The following TBC1D2B variants were observed in gnomAD, a reference collection of about 807,000 sequenced individuals.
TBC1D2B encodes the protein TBC1 domain family, member 2B.
TBC1D2B carries 64 observed loss-of-function variants against 100.8 expected under a neutral mutation model. The observed-to-expected ratio is 0.64, with a 90% confidence interval of 0.52 to 0.78. TBC1D2B has a LOEUF of 0.78. Ranked by LOEUF, TBC1D2B falls within the 30% of genes least tolerant of loss-of-function variation. The probability of loss-of-function intolerance (pLI) is 0.00; values close to 1 mark genes in which losing one functional copy is unlikely to be tolerated. For missense variants in TBC1D2B, 1,052 were observed against 1,218.4 expected, an observed-to-expected ratio of 0.86 and a Z score of 2.03; for synonymous variants, 480 against 479.7, an observed-to-expected ratio of 1.00 and a Z score of -0.01.
intron 1 of TBC1D2B, among the ~76,000 whole-genome samples, chr15:78,075,496 GA>G (rs899491950): frequency 2.6e-5 from 4 of 152,064 alleles, no homozygotes; most frequent in African/African-American, 9.7e-5. Context: ...TTATTTTAAT[GA>G]AAAAAACTGA....
chr15:78,019,909 G>A (rs1292297937), intron 6 of TBC1D2B, among the ~76,000 whole-genome samples: 1 of 151,624 alleles, frequency 6.6e-6, no homozygotes, highest in African/African-American at 2.4e-5. Flanking sequence ...AAAGGGGGGG[G>A]GAGACAGGGT....
intron 9 of TBC1D2B, among the ~76,000 whole-genome samples, chr15:78,010,078 G>A (rs1297309611): frequency 8.6e-5 from 13 of 151,830 alleles, no homozygotes; most frequent in Admixed American, 6.6e-5. Context: ...AGATGTGAAT[G>A]TAAGTAACAA....
intron 2 of TBC1D2B, among the ~76,000 whole-genome samples, chr15:78,051,634 T>G (rs2073315799): frequency 6.6e-6 from 1 of 152,252 alleles, no homozygotes. Flanking sequence ...TCCAAACAAC[T>G]GGGTGACTAC....
At chr15:78,025,555 G>A (rs2072642690) in intron 4 of TBC1D2B, 58 bp from the exon 5 acceptor site, 1 of 1,306,794 alleles carries the variant, frequency 7.7e-7, no homozygotes. Flanking sequence ...GAGACGGAGT[G>A]TCGGTCTGTC....
chr15:78,049,831 C>T (rs1567029731), intron 2 of TBC1D2B, among the ~76,000 whole-genome samples: 1 of 152,078 alleles, frequency 6.6e-6, no homozygotes, highest in Non-Finnish European at 1.5e-5. Flanking sequence ...CATTCTTTCA[C>T]AACCTGACTT....
chr15:78,053,365 G>A (rs955805575), intron 2 of TBC1D2B, among the ~76,000 whole-genome samples: 1 of 150,882 alleles, frequency 6.6e-6, no homozygotes, highest in Non-Finnish European at 1.5e-5. Context: ...TCAGGAGGCT[G>A]TTTTGTTTGT....
intron 12 of TBC1D2B, among the ~76,000 whole-genome samples, chr15:78,000,329 G>A (rs190524105): frequency 3.9e-5 from 6 of 152,324 alleles, no homozygotes; most frequent in East Asian, 1.9e-4. Context: ...ACTCACCTCC[G>A]CTCCTCCTGG....
At chr15:78,044,850 A>C (rs1420082913) in intron 3 of TBC1D2B, 50 bp downstream of exon 3, 2 of 1,465,546 alleles carry the variant, frequency 1.4e-6, no homozygotes, top group Non-Finnish European at 1.9e-6. Context: ...AACATACATT[A>C]TCAGAAACAA....
At chr15:78,031,666 T>A (rs1220616241) in intron 3 of TBC1D2B, among the ~76,000 whole-genome samples, 1 of 150,588 alleles carries the variant, frequency 6.6e-6, no homozygotes, top group African/African-American at 2.4e-5. Context: ...GCTATCTGAG[T>A]AATCAATATA....
intron 6 of TBC1D2B, among the ~76,000 whole-genome samples, chr15:78,021,357 T>G (rs2072511282): frequency 1.3e-5 from 2 of 152,120 alleles, no homozygotes; most frequent in Admixed American, 6.5e-5. Flanking sequence ...CTTAGACATT[T>G]AAATTTGGAA....
chr15:78,063,899 T>C lies in TBC1D2B; in HGVS notation c.361-9712A>G, dbSNP rs550131494. Among the ~76,000 whole-genome samples the C allele has an allele frequency of 2.0e-5, 3 of 151,602 alleles. No individual in the cohort carries two copies. The South Asian group carries it at 6.3e-4, about 32-fold the overall frequency. ...TCATCTACCCCTGGGCCTCTGGGTC[T>C]CCAGATTCATCTACCCCTGGGCCTC... is the stretch of plus-strand genomic sequence containing the variant. On this transcript the variant is annotated intron_variant, in intron 1 of 12. Coordinates refer to ENST00000300584, the MANE Select transcript of TBC1D2B (RefSeq NM_144572.2).
chr15:78,056,686 C>CTTTTTTT (rs368714497), intron 1 of TBC1D2B, among the ~76,000 whole-genome samples: 26 of 112,916 alleles, frequency 2.3e-4, no homozygotes, highest in African/African-American at 9.9e-4. Context: ...CAGTCCTCCT[C>CTTTTTTT]TTTTTTTTTT....
intron 12 of TBC1D2B, chr15:77,999,504 C>T (rs1418564869): frequency 1.1e-5 from 3 of 261,594 alleles, no homozygotes; most frequent in Non-Finnish European, 2.4e-5. Context: ...GAACAGAGAA[C>T]GCCCAAGCAC....
intron 10 of TBC1D2B, among the ~76,000 whole-genome samples, chr15:78,008,035 C>A (rs564159424): frequency 6.6e-6 from 1 of 152,372 alleles, no homozygotes; most frequent in East Asian, 1.9e-4. Context: ...GGAGAAGAGA[C>A]ACGAGACAGG....
chr15:78,025,554 T>C, intron 4 of TBC1D2B, 57 bp from the exon 5 acceptor site: 3 of 1,309,240 alleles, frequency 2.3e-6, no homozygotes, highest in South Asian at 1.6e-5. Flanking sequence ...TGAGACGGAG[T>C]GTCGGTCTGT....
intron 2 of TBC1D2B, among the ~76,000 whole-genome samples, chr15:78,050,449 G>C (rs2073290363): frequency 6.6e-6 from 1 of 152,160 alleles, no homozygotes; most frequent in African/African-American, 2.4e-5. Context: ...TCCCTGGCTT[G>C]TTTTCTTATT....
chr15:78,039,446 C>T (rs1192089003), intron 3 of TBC1D2B, among the ~76,000 whole-genome samples: 2 of 152,110 alleles, frequency 1.3e-5, no homozygotes, highest in Non-Finnish European at 2.9e-5. Context: ...AGGATCAGAG[C>T]GGGGCCAACT....
At chr15:78,073,509 C>T (rs184607426) in intron 1 of TBC1D2B, among the ~76,000 whole-genome samples, 3 of 152,246 alleles carry the variant, frequency 2.0e-5, no homozygotes, top group African/African-American at 7.2e-5. Flanking sequence ...ATCAGGGTCT[C>T]CTCTATGGCT....
At chr15:78,021,915 G>A (rs528360109) in intron 6 of TBC1D2B, among the ~76,000 whole-genome samples, 3 of 152,292 alleles carry the variant, frequency 2.0e-5, no homozygotes, top group South Asian at 2.1e-4. Context: ...CCACAGCCAC[G>A]AAGCATAACC....
Sources: allele counts gnomAD v4.1 joint callset (sites outside exome capture counted in the v4.1 genomes callset), GRCh38; gene constraint gnomAD v4.1.1; transcripts MANE v1.5; gene names NCBI Gene and HGNC (gene_info 2026-07-23, HGNC 2026-07-21).